Variants in TCTN1 observed in about 807,000 individuals in gnomAD.
TCTN1 encodes the protein tectonic-1.
Under a neutral mutation model 65.8 loss-of-function variants are expected in TCTN1, and 58 were observed. The ratio of observed to expected loss-of-function variants is 0.88; its 90% CI spans 0.71 to 1.10. TCTN1 has a LOEUF of 1.10. Ranked by LOEUF, TCTN1 falls within the 50% of genes least tolerant of loss-of-function variation. TCTN1 has a pLI of 0.00. For missense variants in TCTN1, 645 were observed against 719.4 expected (o/e 0.90, Z 1.18); for synonymous variants, 273 against 289.1 (o/e 0.94, Z 0.57).
intron 7 of TCTN1, among the ~76,000 whole-genome samples, chr12:110,636,765 G>T (rs2066601118): frequency 6.6e-6 from 1 of 152,188 alleles, no homozygotes; most frequent in Admixed American, 6.5e-5. Flanking sequence ...CCAGCAGTGG[G>T]TATGATTGAC....
At chr12:110,618,153 A>G (rs1473319237) in intron 1 of TCTN1, among the ~76,000 whole-genome samples, 1 of 148,574 alleles carries the variant, frequency 6.7e-6, no homozygotes, top group Non-Finnish European at 1.5e-5. Context: ...GTTTACTGCA[A>G]CCTCTGCCTT....
At chr12:110,621,354 A>T (rs1565960024) in intron 2 of TCTN1, among the ~76,000 whole-genome samples, 1 of 152,216 alleles carries the variant, frequency 6.6e-6, no homozygotes, top group Admixed American at 6.5e-5. Context: ...CAATGTAGTC[A>T]GATTAATTTT....
rs2066952227 is a variant in TCTN1, at chr12:110,641,539, C to T, written c.1105-3C>T. ...TTGGGGGCATTTCTGCATTGTCTTTCAGGAAAATACCCAGCCAGTCCCTCT... is the reference window on the plus strand; with the variant it reads ...TTGGGGGCATTTCTGCATTGTCTTTTAGGAAAATACCCAGCCAGTCCCTCT... On this transcript the variant is annotated splice_polypyrimidine_tract_variant and splice_region_variant and intron_variant, in intron 9 of 14. Transcript: ENST00000397659. The T allele has an allele frequency of 6.2e-7, 1 of 1,613,784 alleles. No individual in the cohort carries two copies. The highest frequency in any genetic ancestry group is 1.3e-5 in the African/African-American group (1 of 74,920).
chr12:110,633,880 T>A (rs2066388445), intron 5 of TCTN1, among the ~76,000 whole-genome samples: 1 of 152,230 alleles, frequency 6.6e-6, no homozygotes, highest in Non-Finnish European at 1.5e-5. Context: ...TCAACCCAGC[T>A]GTTCTACTTC....
chr12:110,635,182 GCAGATGACACAGGCAGT>G (rs1386694939), intron 6 of TCTN1, among the ~76,000 whole-genome samples: 1 of 152,188 alleles, frequency 6.6e-6, no homozygotes, highest in Non-Finnish European at 1.5e-5. Flanking sequence ...TTTCTGGTTG[GCAGATGACACAGGCAGT>G]CAGGAAAGAA....
Position 110,614,335 on chromosome 12 carries a change from C to G in TCTN1, c.153C>G (p.Thr51=). The change falls in exon 1 of 15, where the codon ACC becomes ACG. Residue 51 remains threonine, a synonymous_variant. Coordinates refer to ENST00000397659, the MANE Select transcript of TCTN1 (RefSeq NM_001082538.3). ...CCACCTTCGGAACTTTCCCGTCGAC[C>G]AGGCCCCCCGGGACTCCCAGGGCTC... ...ALATFGTFPS[T]RPPGTPRAPG... The G allele has an allele frequency of 1.2e-6, 2 of 1,606,714 alleles. No homozygotes were observed. The highest frequency in any genetic ancestry group is 1.7e-6 in the Non-Finnish European group (2 of 1,177,384).
chr12:110,624,292 T>C lies in TCTN1; in HGVS notation c.342-2070T>C, dbSNP rs191623982. On this transcript the variant is annotated intron_variant, in intron 2 of 14. Transcript: ENST00000397659. ...GTGCAGTGACACGATCATAGCTCACTGTAACCTTGCTCCTGGGCTCAAGCA... is the reference window on the plus strand; with the variant it reads ...GTGCAGTGACACGATCATAGCTCACCGTAACCTTGCTCCTGGGCTCAAGCA... 1.9e-4 allele frequency among the ~76,000 whole-genome samples: 29 copies of C among 152,114 alleles called. No homozygotes were observed. In the East Asian group the frequency reaches 5.2e-3, roughly 27 times the overall value.
chr12:110,629,620 T>G (rs2066089576), intron 4 of TCTN1: 1 of 152,084 alleles, frequency 6.6e-6, no homozygotes, highest in Non-Finnish European at 1.5e-5. Flanking sequence ...TATGGAGAAA[T>G]AGGAACGCTT....
intron 4 of TCTN1, chr12:110,630,374 A>G (rs1351567353): frequency 6.6e-6 from 1 of 152,212 alleles, no homozygotes; most frequent in Non-Finnish European, 1.5e-5. Flanking sequence ...TGCTGAGATC[A>G]TGGAGTAGAT....
intron 2 of TCTN1, among the ~76,000 whole-genome samples, 190 bp downstream of exon 2, chr12:110,620,146 G>A (rs1565957290): frequency 1.3e-5 from 2 of 152,118 alleles, no homozygotes; most frequent in Non-Finnish European, 2.9e-5. Context: ...AGTGGCTCAC[G>A]CCTGTAATCC....
rs1218808090 is a variant in TCTN1, at chr12:110,639,590, A to G, written c.844-793A>G. On this transcript the variant is annotated intron_variant, in intron 7 of 14. Transcript: ENST00000397659. This position sits in a 1 kb window ranked among gnomAD's most constrained non-coding sequence, Gnocchi z 4.9. ...TGCATGTGAATGTGCATGTGTGGGT[A>G]TGGAGTGTGTAGGAGTTGTGTTTTG... 1.3e-5 allele frequency among the ~76,000 whole-genome samples: 2 copies of G among 152,010 alleles called. No individual in the cohort carries two copies. Among genetic ancestry groups the G allele is most frequent in the Non-Finnish European group, 2.9e-5 (2 of 68,016 alleles).
At chr12:110,619,192 TAAATA>T (rs1340672747) in intron 1 of TCTN1, among the ~76,000 whole-genome samples, 1 of 151,320 alleles carries the variant, frequency 6.6e-6, no homozygotes, top group South Asian at 2.1e-4. Flanking sequence ...AATAAATAAA[TAAATA>T]AAATAATTAA....
chr12:110,641,505 G>A, intron 9 of TCTN1, 37 bp from the exon 10 acceptor site: 2 of 1,572,452 alleles, frequency 1.3e-6, no homozygotes, highest in East Asian at 2.2e-5. Flanking sequence ...TTATTAAAAT[G>A]AGAATTATTT....
intron 3 of TCTN1, chr12:110,627,747 A>G (rs1001960311): frequency 4.4e-6 from 2 of 454,920 alleles, no homozygotes; most frequent in Admixed American, 3.8e-5. Flanking sequence ...TGAAAACAGG[A>G]TCTTTATTTT....
At chr12:110,642,446 T>C in intron 11 of TCTN1, 57 bp downstream of exon 11, 1 of 1,613,176 alleles carries the variant, frequency 6.2e-7, no homozygotes, top group Non-Finnish European at 8.5e-7. Context: ...CAAAGCATTC[T>C]CACTTTTCCC....
chr12:110,647,465 C>A, intron 13 of TCTN1, 129 bp downstream of exon 13: 1 of 1,289,066 alleles, frequency 7.8e-7, no homozygotes, highest in Non-Finnish European at 1.1e-6. Flanking sequence ...TAAAATATTT[C>A]AGCAGTCATT....
intron 14 of TCTN1, among the ~76,000 whole-genome samples, chr12:110,648,346 C>G (rs887093427): frequency 6.6e-6 from 1 of 152,010 alleles, no homozygotes; most frequent in Non-Finnish European, 1.5e-5. Flanking sequence ...TGCCTTTTTT[C>G]CTTTTGGAAA....
chr12:110,640,564 G>A lies in TCTN1; in HGVS notation c.978+47G>A. 6.2e-7 allele frequency: 1 copy of A among 1,613,516 alleles called. No individual in the cohort carries two copies. The highest frequency in any genetic ancestry group is 8.5e-7 in the Non-Finnish European group (1 of 1,179,958). ...GAGAGCTTGTCTGTGGCAGACTTAA[G>A]CCTCTTGTTGCGCCGGGGTAACTGG... is the stretch of plus-strand genomic sequence containing the variant. On this transcript the variant is annotated intron_variant, in intron 8 of 14. Transcript: ENST00000397659. The surrounding 1 kb of genome is among the most constrained non-coding windows in gnomAD (Gnocchi z 4.9).
At chr12:110,641,876 T>C in intron 10 of TCTN1, 1 of 561,762 alleles carries the variant, frequency 1.8e-6, no homozygotes, top group Non-Finnish European at 3.1e-6. Flanking sequence ...TTTTTTAATC[T>C]CCTTTTTTTT....
Sources: allele counts gnomAD v4.1 joint callset (sites outside exome capture counted in the v4.1 genomes callset), GRCh38; gene constraint gnomAD v4.1.1; non-coding constraint Gnocchi (gnomAD v3.1); transcripts MANE v1.5; gene names NCBI Gene and HGNC (gene_info 2026-07-23, HGNC 2026-07-21).